Variants in JRK observed in about 807,000 individuals in gnomAD.
JRK encodes the protein Jrk helix-turn-helix protein.
For missense variants in JRK, 720 were observed against 509.2 expected (o/e 1.41, Z -3.98); for synonymous variants, 303 against 218.1 (o/e 1.39, Z -3.43).
chr8:142,668,291 G>C (rs1369257958), intron 1 of JRK, among the ~76,000 whole-genome samples: 2 of 152,246 alleles, frequency 1.3e-5, no homozygotes, highest in African/African-American at 2.4e-5. Context: ...TGCAGCAAAA[G>C]CTCCAAAGAA....
rs1847130543 is a variant in JRK at position 142,666,445 on chromosome 8, T to G, written c.-387A>C. ...CTCAAACTGACCAGGTTTGGGGTGG[T>G]AGAGGTTTTACCGCATAAGCAGCAG... On this transcript the variant is annotated 5_prime_UTR_variant, in exon 2 of 2. Coordinates refer to ENST00000612905, the MANE Select transcript of JRK (RefSeq NM_003724.4). 1 of 357,456 alleles carries G rather than the reference T, an allele frequency of 2.8e-6. No homozygotes were observed. Among genetic ancestry groups the G allele is most frequent in the East Asian group, 7.1e-5 (1 of 14,102 alleles). The allele number at this position is 357,456 out of a possible 1,614,324, so 22.1% of individuals were successfully genotyped here.
intron 1 of JRK, 98 bp downstream of exon 1, chr8:142,669,834 C>CCCGCCCGCG (rs1230250068): frequency 1.3e-5 from 2 of 151,356 alleles, no homozygotes; most frequent in South Asian, 1.8e-4. Flanking sequence ...GACTGCGGCT[C>CCCGCCCGCG]CCGCCCGCGC....
Position 142,665,154 on chromosome 8 carries a change from C to T in JRK, c.905G>A (p.Arg302Gln), listed in dbSNP as rs905977856. Residue 302 changes from arginine to glutamine, a missense_variant, in exon 2 of 2, where the codon CGG (arginine) becomes CAG (glutamine). By Grantham distance (43) the Arg-to-Gln change is conservative. Coordinates refer to ENST00000612905, the MANE Select transcript of JRK (RefSeq NM_003724.4). ...SKAVLLLDSS[R>Q]AHPQEAELVS... ...CAGCTCGGCCTCCTGCGGGTGAGCC[C>T]GGGAGCTGTCCAGCAAGAGAACGGC... is the stretch of plus-strand genomic sequence containing the variant. 5 of 717,838 alleles carry T rather than the reference C, an allele frequency of 7.0e-6. No individual in the cohort carries two copies. Among genetic ancestry groups the T allele is most frequent in the South Asian group, 3.0e-5 (2 of 67,606 alleles). The allele number at this position is 717,838 out of a possible 1,614,324, so 44.5% of individuals were successfully genotyped here. A position where few individuals can be genotyped will look rare whatever the true frequency, so the allele number is the denominator to read the frequency against.
At position 142,662,297 on chromosome 8, in the gene JRK, C is replaced by G. The variant is rs1301452698; in HGVS notation, c.*2055G>C. 5.1e-6 allele frequency: 5 copies of G among 985,614 alleles called. No homozygotes were observed. The highest frequency in any genetic ancestry group is 6.0e-6 in the Non-Finnish European group (5 of 830,176). 61.1% of individuals were successfully genotyped at this position (985,614 alleles called of 1,614,324 possible). A position where few individuals can be genotyped will look rare whatever the true frequency, so the allele number is the denominator to read the frequency against. On this transcript the variant is annotated 3_prime_UTR_variant, in exon 2 of 2. Transcript: ENST00000612905. ...GAGAGCCAGCCAGGAGCTCGGCCAGCTGGCCTGCCCATGCCCTCCCCAGCT... is the reference window on the plus strand; with the variant it reads ...GAGAGCCAGCCAGGAGCTCGGCCAGGTGGCCTGCCCATGCCCTCCCCAGCT...
chr8:142,657,782 A>T lies in JRK; in HGVS notation c.*6570T>A, dbSNP rs142933331. On this transcript the variant is annotated 3_prime_UTR_variant, in exon 2 of 2. Coordinates refer to ENST00000612905, the MANE Select transcript of JRK (RefSeq NM_003724.4). ...GGCCCCACCTTCAACACTGGGGATC[A>T]AATTTCCATATAAGATTAGAAAGGG... 6.6e-6 allele frequency: 1 copy of T among 152,278 alleles called. No individual in the cohort carries two copies. Among genetic ancestry groups the T allele is most frequent in the African/African-American group, 2.4e-5 (1 of 41,474 alleles). The allele number at this position is 152,278 out of a possible 1,614,324, so 9.4% of individuals were successfully genotyped here. A position where few individuals can be genotyped will look rare whatever the true frequency, so the allele number is the denominator to read the frequency against.
At position 142,664,772 on chromosome 8, in the gene JRK, C is replaced by G. The variant is rs369974690; in HGVS notation, c.1287G>C (p.Pro429=). The G allele has an allele frequency of 8.0e-5, 127 of 1,589,298 alleles. No homozygotes were observed. The African/African-American group carries it at 1.6e-3, about 19-fold the overall frequency. Residue 429 remains proline, a synonymous_variant, in exon 2 of 2, where the codon CCG becomes CCC. Transcript: ENST00000612905. ...CGGCCTGGCGCTGGCGAAGCTGGCC[C>G]GGGCAGGAGGAGCCTTCCTTCACAA... The part of the protein sequence containing the change: ...LELVKEGSSC[P]GQLRQRQAAS...
chr8:142,660,138 G>A lies in JRK; in HGVS notation c.*4214C>T, dbSNP rs1846871082. ...GGAAGAGGACAAACAAGGTCTCACA[G>A]GTCCATTCTCCCCAGCCTCCCAGTA... On this transcript the variant is annotated 3_prime_UTR_variant, in exon 2 of 2. Coordinates refer to ENST00000612905, the MANE Select transcript of JRK (RefSeq NM_003724.4). 3.0e-6 allele frequency: 3 copies of A among 985,390 alleles called. No homozygotes were observed. The highest frequency in any genetic ancestry group is 2.4e-6 in the Non-Finnish European group (2 of 830,046). 61.0% of individuals were successfully genotyped at this position (985,390 alleles called of 1,614,324 possible). A position where few individuals can be genotyped will look rare whatever the true frequency, so the allele number is the denominator to read the frequency against.
At chr8:142,654,408 A>T (rs142867766), downstream of JRK, among the ~76,000 whole-genome samples, 2,108 of 151,136 alleles carry the variant, frequency 0.014, 31 homozygotes, top group Admixed American at 0.023. Context: ...GACTCCAGCC[A>T]CTCCTTGCTA....
rs782417042 is a variant in JRK at position 142,658,895 on chromosome 8, G to C, written c.*5457C>G. ...GGCCTCCAGGCAGCACTTAGGAATT[G>C]CCAACTCCTCTGGTGAGGTCACTAC... is the stretch of plus-strand genomic sequence containing the variant. On this transcript the variant is annotated 3_prime_UTR_variant, in exon 2 of 2. Transcript: ENST00000612905. The C allele has an allele frequency of 5.0e-6, 8 of 1,613,438 alleles. No individual in the cohort carries two copies. The South Asian group carries it at 8.8e-5, about 18-fold the overall frequency.
In JRK at chr8:142,665,344, T is replaced by C. The variant is rs1554635641; in HGVS notation, c.715A>G (p.Ser239Gly). The C allele has an allele frequency of 8.4e-6, 6 of 717,550 alleles. No homozygotes were observed. The highest frequency in any genetic ancestry group is 4.4e-5 in the South Asian group (3 of 67,610). 44.4% of individuals were successfully genotyped at this position (717,550 alleles called of 1,614,324 possible). ...ATGCCTTTGAAAGCCCTGGGACCGC[T>C]GCACTTCCCGATGGCCAAGGGCTTG... ...RLKPLAIGKC[S>G]GPRAFKGIQH... The change falls in exon 2 of 2, where the codon AGC (serine) becomes GGC (glycine). Residue 239 changes from serine (S) to glycine (G), a missense_variant. Coordinates refer to ENST00000612905, the MANE Select transcript of JRK (RefSeq NM_003724.4).
At chr8:142,652,694 C>T (rs1241889078), downstream of JRK, among the ~76,000 whole-genome samples, 1 of 152,192 alleles carries the variant, frequency 6.6e-6, no homozygotes, top group African/African-American at 2.4e-5. Context: ...CAGTTCTCAG[C>T]TTGACTTTTC....
At position 142,659,023 on chromosome 8, in the gene JRK, C is replaced by T; in HGVS notation, c.*5329G>A. On this transcript the variant is annotated 3_prime_UTR_variant, in exon 2 of 2. Coordinates refer to ENST00000612905, the MANE Select transcript of JRK (RefSeq NM_003724.4). ...ATAGGGGTGTAGTCACTTCCCTCTG[C>T]CAGGGAGAATGGTGGAGGAAGAATG... 1 of 1,499,118 alleles carries T rather than the reference C, an allele frequency of 6.7e-7. No homozygotes were observed. Among genetic ancestry groups the T allele is most frequent in the Admixed American group, 2.2e-5 (1 of 46,104 alleles). The allele number at this position is 1,499,118 out of a possible 1,614,324, so 92.9% of individuals were successfully genotyped here. A position where few individuals can be genotyped will look rare whatever the true frequency, so the allele number is the denominator to read the frequency against.
chr8:142,646,611 TTCTCAAGACATTTCTAA>T, the JRK span, among the ~76,000 whole-genome samples: 341 of 152,176 alleles, frequency 2.2e-3, no homozygotes, highest in African/African-American at 7.5e-3. Flanking sequence ...ATGCTGGCAA[TTCTCAAGACATTTCTAA>T]TATTACTTTA....
Position 142,661,658 on chromosome 8 carries a change from T to C in JRK, c.*2694A>G. ...CATTTAAACAGGACCAGAGACTTTC[T>C]CGCTCTGCTCTGGCAAGCTCCAGGG... On this transcript the variant is annotated 3_prime_UTR_variant, in exon 2 of 2. Coordinates refer to ENST00000612905, the MANE Select transcript of JRK (RefSeq NM_003724.4). The C allele has an allele frequency of 1.0e-6, 1 of 985,464 alleles. No homozygotes were observed. Among genetic ancestry groups the C allele is most frequent in the Non-Finnish European group, 1.2e-6 (1 of 829,966 alleles). 61.0% of individuals were successfully genotyped at this position (985,464 alleles called of 1,614,324 possible). A position where few individuals can be genotyped will look rare whatever the true frequency, so the allele number is the denominator to read the frequency against.
chr8:142,653,952 C>G (rs1021689894), downstream of JRK, among the ~76,000 whole-genome samples: 1 of 152,186 alleles, frequency 6.6e-6, no homozygotes, highest in Non-Finnish European at 1.5e-5. Flanking sequence ...TCAACTCTTT[C>G]TCTACTGCAA....
the JRK span, among the ~76,000 whole-genome samples, chr8:142,651,028 T>C: frequency 6.6e-6 from 1 of 152,078 alleles, no homozygotes; most frequent in Non-Finnish European, 1.5e-5. Context: ...TTATAAATAA[T>C]ATAAACTATT....
At chr8:142,647,767 G>T in the JRK span, among the ~76,000 whole-genome samples, 1 of 152,214 alleles carries the variant, frequency 6.6e-6, no homozygotes, top group Non-Finnish European at 1.5e-5. Context: ...CTGCTGAAAA[G>T]ATACCTGAAA....
Position 142,661,769 on chromosome 8 carries a change from C to T in JRK, c.*2583G>A. ...TGCTGTGGTGTCTGGTACAGCGGGG[C>T]TCCACCTGAGAGGGCTTGGGGAAAA... On this transcript the variant is annotated 3_prime_UTR_variant, in exon 2 of 2. Coordinates refer to ENST00000612905, the MANE Select transcript of JRK (RefSeq NM_003724.4). The T allele has an allele frequency of 3.0e-6, 3 of 985,526 alleles. No homozygotes were observed. In the South Asian group the frequency reaches 1.4e-4, roughly 46 times the overall value. The allele number at this position is 985,526 out of a possible 1,614,324, so 61.0% of individuals were successfully genotyped here.
chr8:142,667,434 C>G (rs1563798663), intron 1 of JRK, among the ~76,000 whole-genome samples: 1 of 10,260 alleles, frequency 9.7e-5, no homozygotes, highest in African/African-American at 1.3e-4. Flanking sequence ...GACACGGAGA[C>G]ACACACACAC....
Sources: allele counts gnomAD v4.1 joint callset (sites outside exome capture counted in the v4.1 genomes callset), GRCh38; gene constraint gnomAD v4.1.1; transcripts MANE v1.5; gene names NCBI Gene and HGNC (gene_info 2026-07-23, HGNC 2026-07-21).